The following PRKDC variants were observed in gnomAD, a reference collection of about 807,000 sequenced individuals.
PRKDC encodes protein kinase, DNA-activated, catalytic subunit, also known as DNA-dependent protein kinase catalytic subunit.
In PRKDC, 82 loss-of-function variants were observed where a neutral mutation model predicts 486.9. The observed-to-expected ratio is 0.17, with a 90% CI of 0.14 to 0.20. The LOEUF is 0.20. Ranked by LOEUF, PRKDC falls within the 10% of genes least tolerant of loss-of-function variation. The pLI is 1.00. For missense variants in PRKDC, 4,504 were observed against 5,038.2 expected, an observed-to-expected ratio of 0.89 and a Z score of 3.21; for synonymous variants, 1,895 against 1,837.0, an observed-to-expected ratio of 1.03 and a Z score of -0.81.
At chr8:47,852,162 T>G (rs952016892) in intron 52 of PRKDC, among the ~76,000 whole-genome samples, 1 of 152,120 alleles carries the variant, frequency 6.6e-6, no homozygotes, top group African/African-American at 2.4e-5. Flanking sequence ...CTTCATTCAG[T>G]CCTCTTATCT....
intron 21 of PRKDC, among the ~76,000 whole-genome samples, chr8:47,921,935 C>T (rs2090078351): frequency 6.6e-6 from 1 of 152,012 alleles, no homozygotes. Flanking sequence ...TGTGTGCCAC[C>T]ACACCCAGAT....
intron 68 of PRKDC, among the ~76,000 whole-genome samples, chr8:47,814,599 T>C (rs2087402706): frequency 2.0e-5 from 3 of 152,036 alleles, no homozygotes; most frequent in African/African-American, 7.2e-5. Context: ...CCAAAAAACA[T>C]AAAATACTTA....
intron 27 of PRKDC, among the ~76,000 whole-genome samples, chr8:47,901,619 T>C (rs1209290013): frequency 6.6e-6 from 1 of 152,268 alleles, no homozygotes; most frequent in Non-Finnish European, 1.5e-5. Context: ...CAAGTGCCTC[T>C]GTCCCTTGCA....
chr8:47,831,932 G>C lies in PRKDC; in HGVS notation c.8153-6C>G. ...GTCCGTCCGGCCGGCCGCACCTGGA[G>C]AGGGAAAGCAGGCCCAGTTACTCCC... On this transcript the variant is annotated splice_region_variant and splice_polypyrimidine_tract_variant and intron_variant, in intron 59 of 85. Coordinates refer to ENST00000314191, the MANE Select transcript of PRKDC (RefSeq NM_006904.7). The C allele has an allele frequency of 2.5e-6, 4 of 1,608,782 alleles. No homozygotes were observed. The highest frequency in any genetic ancestry group is 2.6e-6 in the Non-Finnish European group (3 of 1,175,784).
At chr8:47,930,861 G>A in intron 16 of PRKDC, 74 bp from the exon 17 acceptor site, 2 of 1,394,052 alleles carry the variant, frequency 1.4e-6, no homozygotes, top group Non-Finnish European at 9.7e-7. Flanking sequence ...CTTTCCAACT[G>A]ACTTCATGGT....
chr8:47,822,127 T>C (rs1247481080), intron 64 of PRKDC, among the ~76,000 whole-genome samples: 5 of 152,016 alleles, frequency 3.3e-5, no homozygotes, highest in Admixed American at 1.3e-4. Flanking sequence ...AAAAACTCTC[T>C]ACAAAAAACA....
chr8:47,857,420 C>T (rs563681450), intron 48 of PRKDC, 121 bp from the exon 49 acceptor site: 23 of 1,099,362 alleles, frequency 2.1e-5, no homozygotes, highest in South Asian at 1.4e-4. Flanking sequence ...AAGCCAAAAG[C>T]GAGGTAAGCA....
chr8:47,936,744 G>A (rs1425747007), intron 11 of PRKDC, among the ~76,000 whole-genome samples: 10 of 150,282 alleles, frequency 6.7e-5, no homozygotes, highest in African/African-American at 2.4e-4. Flanking sequence ...AGCCTCCCGA[G>A]TAGCTGGGAT....
intron 7 of PRKDC, among the ~76,000 whole-genome samples, chr8:47,948,774 T>C (rs1281289195): frequency 6.6e-6 from 1 of 152,170 alleles, no homozygotes; most frequent in African/African-American, 2.4e-5. Flanking sequence ...GGGTGCCTTA[T>C]ATATATGTAC....
chr8:47,849,613 T>C (rs2088356885), intron 52 of PRKDC, 110 bp from the exon 53 acceptor site: 4 of 1,252,018 alleles, frequency 3.2e-6, no homozygotes, highest in Non-Finnish European at 3.3e-6. Flanking sequence ...GTGCTCAATG[T>C]TGTCACCTAC....
chr8:47,805,907 G>C (rs2154498434), intron 69 of PRKDC, among the ~76,000 whole-genome samples: 1 of 152,162 alleles, frequency 6.6e-6, no homozygotes, highest in Admixed American at 6.5e-5. Context: ...GGAGCTTCCT[G>C]GTCTTTCTCT....
In PRKDC at chr8:47,834,591, G is replaced by A. The variant is rs1036813443; in HGVS notation, c.7952-195C>T. Among the ~76,000 whole-genome samples, 6 of 152,000 alleles carry A rather than the reference G, an allele frequency of 3.9e-5. No homozygotes were observed. In the East Asian group the frequency reaches 9.6e-4, roughly 24 times the overall value. On this transcript the variant is annotated intron_variant, in intron 58 of 85. Coordinates refer to ENST00000314191, the MANE Select transcript of PRKDC (RefSeq NM_006904.7). ...ACGTGCGCCTCAGTGCCCCTGGACC[G>A]CAGTGTCCCCATTTGTAAAGTAAGA... is the stretch of plus-strand genomic sequence containing the variant.
At chr8:47,800,548 T>C (rs974164686) in intron 71 of PRKDC, among the ~76,000 whole-genome samples, 4 of 152,090 alleles carry the variant, frequency 2.6e-5, no homozygotes, top group African/African-American at 7.2e-5. Context: ...GCATGGCACA[T>C]GTATACATAT....
At chr8:47,801,754 A>G (rs2087113277) in intron 70 of PRKDC, among the ~76,000 whole-genome samples, 1 of 152,160 alleles carries the variant, frequency 6.6e-6, no homozygotes, top group African/African-American at 2.4e-5. Context: ...GTTCTGGGCA[A>G]GTAACTGAAC....
intron 40 of PRKDC, among the ~76,000 whole-genome samples, chr8:47,867,496 C>T (rs1200890689): frequency 6.6e-6 from 1 of 152,156 alleles, no homozygotes; most frequent in Non-Finnish European, 1.5e-5. Context: ...ATGGCATGTA[C>T]TAAGAAAATT....
At chr8:47,838,327 T>C (rs2088070977) in intron 56 of PRKDC, among the ~76,000 whole-genome samples, 3 of 152,286 alleles carry the variant, frequency 2.0e-5, no homozygotes, top group Admixed American at 1.3e-4. Context: ...TATGGCTTCT[T>C]ATATTGAGGC....
rs372587440 is a variant in PRKDC, at chr8:47,823,961, C to G, written c.8819G>C (p.Arg2940Pro). The change falls in exon 64 of 86, where the codon CGT becomes CCT. Residue 2940 changes from arginine (R) to proline (P), a missense_variant. Around this residue, in one of 6 missense-constraint regions of PRKDC, gnomAD observed 1,592 missense variants for 1,724.6 expected, o/e 0.92. Transcript: ENST00000314191. ...TCCTATCTCACTGGTAAAAATCCCA[C>G]GGAGGACGTCGTATTCTCCAATTGA... Reference protein sequence around the residue: ...YRSIGEYDVLRGIFTSEIGTK... With the variant: ...YRSIGEYDVLPGIFTSEIGTK... 3.1e-6 allele frequency: 5 copies of G among 1,613,064 alleles called. No individual in the cohort carries two copies. The African/African-American group carries it at 6.7e-5, about 22-fold the overall frequency.
At chr8:47,854,020 A>G in intron 51 of PRKDC, 63 bp downstream of exon 51, 1 of 1,583,474 alleles carries the variant, frequency 6.3e-7, no homozygotes, top group Non-Finnish European at 8.6e-7. Flanking sequence ...ACTGCACCAT[A>G]CTGAAGTCTG....
At chr8:47,792,540 G>A (rs796457104) in intron 74 of PRKDC, among the ~76,000 whole-genome samples, 1 of 152,042 alleles carries the variant, frequency 6.6e-6, no homozygotes, top group African/African-American at 2.4e-5. Context: ...TTACAGGCGT[G>A]AGCCACCGCA....
Sources: gnomAD v4.1 joint callset for allele counts (sites outside exome capture counted in the v4.1 genomes callset) on GRCh38, gnomAD v4.1.1 for gene constraint, gnomAD v4.1.1 regional missense constraint, MANE v1.5 for transcripts, NCBI Gene and HGNC (gene_info 2026-07-23, HGNC 2026-07-21) for gene names.